PRKD1: variants seen among roughly 807,000 people sequenced by gnomAD.
PRKD1 encodes protein kinase D1.
In PRKD1, 63 loss-of-function variants were observed where a neutral mutation model predicts 95.9. The observed-to-expected ratio is 0.66, with a 90% CI of 0.54 to 0.81. The LOEUF is 0.81. Among genes scored for constraint, PRKD1 ranks in the 30% least tolerant of loss-of-function variants. The probability of loss-of-function intolerance (pLI) is 0.00; values close to 1 mark genes in which losing one functional copy is unlikely to be tolerated. For synonymous variants in PRKD1, 425 were observed against 423.1 expected (o/e 1.00, Z -0.05); for missense variants, 1,048 against 1,165.3 (o/e 0.90, Z 1.47).
chr14:29,630,000 T>A (rs1319100806), intron 10 of PRKD1, among the ~76,000 whole-genome samples: 1 of 139,974 alleles, frequency 7.1e-6, no homozygotes. Flanking sequence ...CTTCTTCTTC[T>A]TCTCCTTCTC....
At chr14:29,821,702 C>A (rs2139270939) in intron 1 of PRKD1, among the ~76,000 whole-genome samples, 1 of 152,138 alleles carries the variant, frequency 6.6e-6, no homozygotes, top group African/African-American at 2.4e-5. Context: ...ACACATTCAC[C>A]CTCTTTTAAA....
chr14:29,926,177 T>G (rs955917518), intron 1 of PRKD1, among the ~76,000 whole-genome samples: 4 of 152,214 alleles, frequency 2.6e-5, no homozygotes, highest in African/African-American at 7.2e-5. Context: ...CCTTAAGATT[T>G]AGCAAACTCT....
intron 1 of PRKD1, among the ~76,000 whole-genome samples, chr14:29,904,492 A>G (rs1169511709): frequency 6.6e-6 from 1 of 152,222 alleles, no homozygotes; most frequent in Non-Finnish European, 1.5e-5. Flanking sequence ...TAAATGTATT[A>G]AATGTCTAGG....
rs78501110 is a variant in PRKD1 at position 29,832,303 on chromosome 14, C to T, written c.264+94946G>A. Reference sequence around the variant, plus strand: ...ATGTTGCTCTCATCCTTATTTTACGCATTTCCCTGAGTACCACAAGCATGT... The same window carrying T: ...ATGTTGCTCTCATCCTTATTTTACGTATTTCCCTGAGTACCACAAGCATGT... On this transcript the variant is annotated intron_variant, in intron 1 of 17. Transcript: ENST00000331968. Among the ~76,000 whole-genome samples, 794 of 152,290 alleles carry T rather than the reference C, an allele frequency of 5.2e-3. 3 individuals are homozygous for T. The highest frequency in any genetic ancestry group is 0.018 in the African/African-American group (747 of 41,568).
intron 1 of PRKD1, among the ~76,000 whole-genome samples, chr14:29,732,802 AGTATGTGTTATCTGTTCCCCT>A (rs1170162303): frequency 6.6e-6 from 1 of 151,814 alleles, no homozygotes; most frequent in Non-Finnish European, 1.5e-5. Context: ...TCTGATGAGA[AGTATGTGTTATCTGTTCCCCT>A]GTATGCAATG....
intron 4 of PRKD1, 137 bp from the exon 5 acceptor site, chr14:29,639,041 G>T: frequency 3.2e-6 from 2 of 630,138 alleles, no homozygotes; most frequent in South Asian, 2.9e-5. Context: ...CTGTATTTCT[G>T]TTAATTAATA....
At chr14:29,708,586 G>A (rs950181941) in intron 2 of PRKD1, among the ~76,000 whole-genome samples, 7 of 152,244 alleles carry the variant, frequency 4.6e-5, no homozygotes, top group Middle Eastern at 3.4e-3. Flanking sequence ...TAGGCTGGGC[G>A]CACTGGCTCA....
chr14:29,872,456 ATC>A (rs1893142316), intron 1 of PRKD1, among the ~76,000 whole-genome samples: 1 of 152,118 alleles, frequency 6.6e-6, no homozygotes, highest in Non-Finnish European at 1.5e-5. Context: ...AGTCAGGACC[ATC>A]CTAGCCAACA....
chr14:29,826,844 CATATATATATATATATAT>C (rs1228527833), intron 1 of PRKD1, among the ~76,000 whole-genome samples: 2 of 28,668 alleles, frequency 7.0e-5, no homozygotes, highest in African/African-American at 1.2e-4. Flanking sequence ...TATATACACA[CATATATATATATATATAT>C]ATATATATAT....
chr14:29,825,961 A>G (rs1463956337), intron 1 of PRKD1, among the ~76,000 whole-genome samples: 2 of 151,836 alleles, frequency 1.3e-5, no homozygotes, highest in African/African-American at 4.8e-5. Flanking sequence ...CTAGGTCTTC[A>G]TAGACAGGGG....
chr14:29,864,303 T>A (rs1594586244), intron 1 of PRKD1, among the ~76,000 whole-genome samples: 1 of 152,096 alleles, frequency 6.6e-6, no homozygotes, highest in South Asian at 2.1e-4. Context: ...ACAAAGAGCC[T>A]GCACTTAAAA....
intron 13 of PRKD1, among the ~76,000 whole-genome samples, chr14:29,620,732 T>G (rs1879191902): frequency 6.6e-6 from 1 of 152,162 alleles, no homozygotes; most frequent in African/African-American, 2.4e-5. Context: ...TTGGTGGGAC[T>G]GTAAACTAGT....
intron 1 of PRKD1, among the ~76,000 whole-genome samples, chr14:29,875,620 T>G (rs554729592): frequency 6.6e-6 from 1 of 152,202 alleles, no homozygotes; most frequent in African/African-American, 2.4e-5. Flanking sequence ...GATAAGCAAT[T>G]TATCTATTCA....
chr14:29,891,145 A>G (rs1490361243), intron 1 of PRKD1, among the ~76,000 whole-genome samples: 1 of 152,256 alleles, frequency 6.6e-6, no homozygotes, highest in Non-Finnish European at 1.5e-5. Flanking sequence ...CCCAAAGGAC[A>G]GCTATGTAAT....
Position 29,853,921 on chromosome 14 carries a change from G to A in PRKD1, c.264+73328C>T, listed in dbSNP as rs184211591. 2.8e-3 allele frequency among the ~76,000 whole-genome samples: 421 copies of A among 152,274 alleles called. 1 individual carries two copies. Among genetic ancestry groups the A allele is most frequent in the African/African-American group, 9.5e-3 (393 of 41,540 alleles). ...CTGCCTGCTGCCACCCATGTAAGAT[G>A]TAACTTGCTCCTCCTTGCTTTCCAC... On this transcript the variant is annotated intron_variant, in intron 1 of 17. Transcript: ENST00000331968.
intron 1 of PRKD1, among the ~76,000 whole-genome samples, chr14:29,785,673 G>T (rs1284246804): frequency 6.6e-6 from 1 of 150,892 alleles, no homozygotes; most frequent in Non-Finnish European, 1.5e-5. Context: ...GGACTGTTGT[G>T]GGGTGGGGGG....
intron 13 of PRKD1, among the ~76,000 whole-genome samples, chr14:29,612,188 G>T (rs1026981419): frequency 1.3e-5 from 2 of 152,160 alleles, no homozygotes; most frequent in African/African-American, 4.8e-5. Context: ...CCTTACATCT[G>T]TATAAGGTTC....
chr14:29,885,396 G>C (rs1007221588), intron 1 of PRKD1, among the ~76,000 whole-genome samples: 1 of 151,866 alleles, frequency 6.6e-6, no homozygotes, highest in Admixed American at 6.6e-5. Flanking sequence ...TGACATTTAC[G>C]GTGTCCTACT....
intron 1 of PRKD1, among the ~76,000 whole-genome samples, chr14:29,806,452 A>G (rs1374845547): frequency 2.0e-5 from 3 of 149,712 alleles, no homozygotes; most frequent in Non-Finnish European, 4.4e-5. Flanking sequence ...AGGTTGCAGG[A>G]GAAAAAAAAA....
Sources: allele counts gnomAD v4.1 joint callset (sites outside exome capture counted in the v4.1 genomes callset), GRCh38; gene constraint gnomAD v4.1.1; transcripts MANE v1.5; gene names NCBI Gene and HGNC (gene_info 2026-07-23, HGNC 2026-07-21).